TNNI3K: variants seen among roughly 807,000 people sequenced by gnomAD.
TNNI3K encodes the protein serine/threonine-protein kinase TNNI3K.
Under a neutral mutation model 114.5 loss-of-function variants are expected in TNNI3K, and 140 were observed. That is an observed-to-expected ratio of 1.22 (90% CI 1.07 to 1.41). TNNI3K has a LOEUF of 1.41. Ranked by LOEUF, TNNI3K falls within the 40% of genes most tolerant of loss-of-function variation. The probability of loss-of-function intolerance (pLI) is 0.00; values close to 1 mark genes in which losing one functional copy is unlikely to be tolerated. For missense variants in TNNI3K, 1,125 were observed against 1,007.6 expected (o/e 1.12, Z -1.58); for synonymous variants, 347 against 347.5 (o/e 1.00, Z 0.02).
At chr1:74,501,504 G>GTTTGTTTT (rs1164679124) in intron 23 of TNNI3K, among the ~76,000 whole-genome samples, 3 of 148,828 alleles carry the variant, frequency 2.0e-5, no homozygotes, top group African/African-American at 5.1e-5. Context: ...TTGTTTGTTT[G>GTTTGTTTT]TTTTTTGAGA....
intron 9 of TNNI3K, among the ~76,000 whole-genome samples, chr1:74,352,508 C>A (rs1036076156): frequency 2.0e-5 from 3 of 152,198 alleles, no homozygotes; most frequent in Non-Finnish European, 2.9e-5. Flanking sequence ...CAGACAGGGA[C>A]ATTTAAGTCT....
intron 5 of TNNI3K, among the ~76,000 whole-genome samples, chr1:74,274,891 G>A (rs1656579290): frequency 1.3e-5 from 2 of 152,154 alleles, no homozygotes; most frequent in Admixed American, 6.6e-5. Flanking sequence ...GTAAGAAAAT[G>A]CTGAATATCT....
intron 2 of TNNI3K, among the ~76,000 whole-genome samples, chr1:74,247,149 G>C (rs1295537775): frequency 6.6e-6 from 1 of 152,158 alleles, no homozygotes; most frequent in African/African-American, 2.4e-5. Flanking sequence ...GGTGTGTCCG[G>C]GGTTTGTTCC....
At chr1:74,266,596 T>C (rs1656005400) in intron 4 of TNNI3K, among the ~76,000 whole-genome samples, 1 of 151,996 alleles carries the variant, frequency 6.6e-6, no homozygotes, top group South Asian at 2.1e-4. Context: ...AGAAAGTACA[T>C]TTTTATACAT....
At chr1:74,434,407 A>T (rs1198676452) in intron 17 of TNNI3K, among the ~76,000 whole-genome samples, 2 of 151,952 alleles carry the variant, frequency 1.3e-5, no homozygotes, top group African/African-American at 2.4e-5. Context: ...CCTTTACACT[A>T]CCGTATAAAT....
chr1:74,282,459 G>A (rs1299821237), intron 5 of TNNI3K, among the ~76,000 whole-genome samples: 1 of 151,792 alleles, frequency 6.6e-6, no homozygotes, highest in Non-Finnish European at 1.5e-5. Flanking sequence ...CACATGCCTG[G>A]CAGCTTGGTC....
At chr1:74,305,609 C>T (rs1658584613) in intron 5 of TNNI3K, among the ~76,000 whole-genome samples, 2 of 152,116 alleles carry the variant, frequency 1.3e-5, no homozygotes, top group Non-Finnish European at 2.9e-5. Context: ...AGGCAAATCC[C>T]CAGAGTGAGG....
chr1:74,520,938 C>T (rs1646423766), intron 23 of TNNI3K, among the ~76,000 whole-genome samples: 1 of 151,976 alleles, frequency 6.6e-6, no homozygotes, highest in Admixed American at 6.6e-5. Flanking sequence ...GACATGGGAG[C>T]AGAGGTGAAG....
chr1:74,258,267 CCT>C, intron 4 of TNNI3K, among the ~76,000 whole-genome samples: 1 of 151,998 alleles, frequency 6.6e-6, no homozygotes, highest in East Asian at 1.9e-4. Flanking sequence ...TCTGCAGTGC[CCT>C]CTCTGTGCAG....
chr1:74,447,215 T>A (rs1347545663), intron 20 of TNNI3K, among the ~76,000 whole-genome samples: 3 of 150,300 alleles, frequency 2.0e-5, no homozygotes, highest in Non-Finnish European at 3.0e-5. Context: ...CTTTTATTTC[T>A]TTGAGCAGTG....
intron 17 of TNNI3K, among the ~76,000 whole-genome samples, chr1:74,389,677 A>C (rs1310057407): frequency 3.9e-5 from 6 of 152,242 alleles, no homozygotes; most frequent in African/African-American, 1.4e-4. Flanking sequence ...TGCTAACCTT[A>C]GTACCATTAC....
At chr1:74,345,917 T>C (rs1484604392) in intron 9 of TNNI3K, 1 of 152,220 alleles carries the variant, frequency 6.6e-6, no homozygotes, top group East Asian at 1.9e-4. Flanking sequence ...TTCAGATAAG[T>C]ATTTCAACAA....
chr1:74,508,697 A>T (rs1207786587), intron 23 of TNNI3K, among the ~76,000 whole-genome samples: 1 of 152,196 alleles, frequency 6.6e-6, no homozygotes, highest in Admixed American at 6.5e-5. Flanking sequence ...CCCGGGGCAT[A>T]TGTCTGGTAG....
At chr1:74,510,761 C>G (rs1187996532) in intron 23 of TNNI3K, among the ~76,000 whole-genome samples, 2 of 152,216 alleles carry the variant, frequency 1.3e-5, no homozygotes, top group Non-Finnish European at 2.9e-5. Flanking sequence ...AATTAATCAA[C>G]TAGCTCACAA....
intron 2 of TNNI3K, among the ~76,000 whole-genome samples, chr1:74,245,176 G>GA (rs1654477886): frequency 6.6e-6 from 1 of 152,060 alleles, no homozygotes; most frequent in African/African-American, 2.4e-5. Flanking sequence ...TAAGATATTG[G>GA]AAAAAAGAAT....
intron 20 of TNNI3K, among the ~76,000 whole-genome samples, chr1:74,448,229 G>A (rs1276722456): frequency 9.3e-6 from 1 of 107,288 alleles, no homozygotes; most frequent in Non-Finnish European, 1.7e-5. Flanking sequence ...CCTGCACAAT[G>A]TGCACATGTA....
chr1:74,533,564 A>G (rs1209395106), intron 23 of TNNI3K, among the ~76,000 whole-genome samples: 2 of 152,228 alleles, frequency 1.3e-5, no homozygotes, highest in African/African-American at 4.8e-5. Context: ...ATTACTGGGT[A>G]TATACCCAAA....
At chr1:74,304,402 G>A (rs1397874890) in intron 5 of TNNI3K, among the ~76,000 whole-genome samples, 2 of 152,040 alleles carry the variant, frequency 1.3e-5, no homozygotes, top group African/African-American at 4.8e-5. Context: ...CTAGGATGAT[G>A]GTTAGCATTT....
chr1:74,235,469 T>C lies in TNNI3K; in HGVS notation c.18T>C (p.Ser6=). MGNYK[S]RPTQTCTDEW... is the part of the protein sequence containing the mutation. ...TATAATAAATGGGAAATTATAAATC[T>C]AGACCAACCCAAACTTGTACTGGTA... The change falls in exon 1 of 25, where the codon TCT becomes TCC. Residue 6 remains serine, a synonymous_variant. Coordinates refer to ENST00000326637, the MANE Select transcript of TNNI3K (RefSeq NM_015978.3). 2.0e-6 allele frequency: 3 copies of C among 1,519,270 alleles called. No individual in the cohort carries two copies. The highest frequency in any genetic ancestry group is 1.2e-5 in the South Asian group (1 of 84,796). The allele number at this position is 1,519,270 out of a possible 1,614,324, so 94.1% of individuals were successfully genotyped here.
Sources: allele counts gnomAD v4.1 joint callset (sites outside exome capture counted in the v4.1 genomes callset), GRCh38; gene constraint gnomAD v4.1.1; transcripts MANE v1.5; gene names NCBI Gene and HGNC (gene_info 2026-07-23, HGNC 2026-07-21).